Variants in KCNT2 observed in about 807,000 individuals in gnomAD.
KCNT2 encodes the protein potassium channel subfamily T member 2.
KCNT2 carries 67 observed loss-of-function variants against 153.8 expected under a neutral mutation model. The ratio of observed to expected loss-of-function variants is 0.44; its 90% confidence interval spans 0.36 to 0.53. The LOEUF is 0.53. Ranked by LOEUF, KCNT2 falls within the 20% of genes least tolerant of loss-of-function variation. The probability of loss-of-function intolerance (pLI) is 0.00; values close to 1 mark genes in which losing one functional copy is unlikely to be tolerated. For missense variants in KCNT2, 975 were observed against 1,354.8 expected (o/e 0.72, Z 4.40); for synonymous variants, 500 against 458.8 (o/e 1.09, Z -1.15).
At chr1:196,295,769 G>T (rs1660620053) in intron 22 of KCNT2, among the ~76,000 whole-genome samples, 1 of 151,876 alleles carries the variant, frequency 6.6e-6, no homozygotes, top group Non-Finnish European at 1.5e-5. Flanking sequence ...TTTTTATTGA[G>T]CATAAAAATC....
chr1:196,348,627 G>A (rs1166096236), intron 14 of KCNT2, among the ~76,000 whole-genome samples: 1 of 152,058 alleles, frequency 6.6e-6, no homozygotes, highest in Admixed American at 6.6e-5. Context: ...TACTTTTAAT[G>A]ATCTCGGATT....
In KCNT2 at chr1:196,285,104, C is replaced by A. The variant is rs184187008; in HGVS notation, c.2697+553G>T. Among the ~76,000 whole-genome samples the A allele has an allele frequency of 3.3e-5, 5 of 152,264 alleles. No individual in the cohort carries two copies. In the East Asian group the frequency reaches 9.6e-4, roughly 29 times the overall value. On this transcript the variant is annotated intron_variant, in intron 23 of 27. Transcript: ENST00000294725. ...TAGTGTGAACAAACACCTCCACAAA[C>A]CTCTTAGCTATGATAAAATGAAAAA...
At chr1:196,251,206 G>A (rs1034984212) in intron 26 of KCNT2, among the ~76,000 whole-genome samples, 9 of 152,066 alleles carry the variant, frequency 5.9e-5, no homozygotes, top group African/African-American at 1.9e-4. Flanking sequence ...AGCAACCTAA[G>A]TTTCATCAAG....
chr1:196,592,729 A>G (rs1663530345), intron 1 of KCNT2, among the ~76,000 whole-genome samples: 1 of 146,792 alleles, frequency 6.8e-6, no homozygotes, highest in Non-Finnish European at 1.5e-5. Context: ...ATATATATAC[A>G]TATATATATA....
chr1:196,259,087 G>A (rs1656774155), intron 25 of KCNT2, among the ~76,000 whole-genome samples: 2 of 152,084 alleles, frequency 1.3e-5, no homozygotes, highest in Non-Finnish European at 2.9e-5. Context: ...ACCATATAAA[G>A]TGCTTTTCTG....
At chr1:196,444,315 T>C in intron 8 of KCNT2, among the ~76,000 whole-genome samples, 1 of 151,468 alleles carries the variant, frequency 6.6e-6, no homozygotes, top group Admixed American at 6.6e-5. Flanking sequence ...ATACCTTTAC[T>C]CCCTTCCCAG....
At chr1:196,389,353 C>T (rs926064481) in intron 13 of KCNT2, among the ~76,000 whole-genome samples, 19 of 151,638 alleles carry the variant, frequency 1.3e-4, no homozygotes, top group African/African-American at 4.6e-4. Context: ...TACAAAATCA[C>T]TATAAATTTT....
rs1452955535 is a variant in KCNT2, at chr1:196,385,866, G to GC, written c.1295-12619dup. Among the ~76,000 whole-genome samples the GC allele has an allele frequency of 3.3e-5, 5 of 151,794 alleles. No homozygotes were observed. In the East Asian group the frequency reaches 7.8e-4, roughly 24 times the overall value. ...TCTGTGGTAGCCAGCCTCCAGGATT[G>GC]CCCCAAATAACTCTTACATGCTGGT... On this transcript the variant is annotated intron_variant, in intron 13 of 27. Coordinates refer to ENST00000294725, the MANE Select transcript of KCNT2 (RefSeq NM_198503.5).
chr1:196,531,012 G>A (rs947706774), intron 1 of KCNT2, among the ~76,000 whole-genome samples: 1 of 152,064 alleles, frequency 6.6e-6, no homozygotes, highest in African/African-American at 2.4e-5. Flanking sequence ...AGAAGCCAAA[G>A]ATTTACTGTA....
At chr1:196,350,189 C>A (rs1251489606) in intron 14 of KCNT2, among the ~76,000 whole-genome samples, 4 of 152,060 alleles carry the variant, frequency 2.6e-5, no homozygotes, top group Non-Finnish European at 2.9e-5. Flanking sequence ...GTCTTTATAG[C>A]AGCATGATTT....
Position 196,333,844 on chromosome 1 carries a change from T to C in KCNT2, c.1997+3A>G, listed in dbSNP as rs765314696. The C allele has an allele frequency of 6.3e-7, 1 of 1,575,226 alleles. No homozygotes were observed. The highest frequency in any genetic ancestry group is 8.7e-7 in the Non-Finnish European group (1 of 1,146,116). Reference sequence around the variant, plus strand: ...TCTTACACCTTAGAGTATCTGAACATACTCTAAGTTTGAAGACATTTCTTC... The same window carrying C: ...TCTTACACCTTAGAGTATCTGAACACACTCTAAGTTTGAAGACATTTCTTC... On this transcript the variant is annotated splice_donor_region_variant and intron_variant, in intron 17 of 27. Coordinates refer to ENST00000294725, the MANE Select transcript of KCNT2 (RefSeq NM_198503.5).
chr1:196,389,550 A>C (rs1216771971), intron 13 of KCNT2, among the ~76,000 whole-genome samples: 4 of 151,656 alleles, frequency 2.6e-5, no homozygotes, highest in Non-Finnish European at 4.4e-5. Context: ...AATTAGTTTG[A>C]TACCTTGAAG....
At chr1:196,381,263 A>G (rs1246560620) in intron 13 of KCNT2, among the ~76,000 whole-genome samples, 1 of 152,062 alleles carries the variant, frequency 6.6e-6, no homozygotes, top group Non-Finnish European at 1.5e-5. Flanking sequence ...TTTTAATTTC[A>G]TTAACCTCCT....
intron 25 of KCNT2, among the ~76,000 whole-genome samples, chr1:196,261,234 T>A (rs1009744236): frequency 6.6e-6 from 1 of 151,928 alleles, no homozygotes; most frequent in African/African-American, 2.4e-5. Context: ...GATAGAGTGG[T>A]TAAAAGCAAG....
chr1:196,350,966 T>G (rs888130842), intron 14 of KCNT2, among the ~76,000 whole-genome samples: 4 of 152,196 alleles, frequency 2.6e-5, no homozygotes, highest in African/African-American at 9.7e-5. Flanking sequence ...AGGGAATCCT[T>G]TCCCCATTGC....
chr1:196,546,567 C>G (rs913029223), intron 1 of KCNT2, among the ~76,000 whole-genome samples: 1 of 151,894 alleles, frequency 6.6e-6, no homozygotes, highest in Non-Finnish European at 1.5e-5. Context: ...GTCTTGTAAA[C>G]AGAAGATTAG....
chr1:196,380,721 G>A (rs958633005), intron 13 of KCNT2, among the ~76,000 whole-genome samples: 3 of 152,106 alleles, frequency 2.0e-5, no homozygotes, highest in Non-Finnish European at 4.4e-5. Context: ...TGATTAAATT[G>A]CATTATAAAA....
intron 8 of KCNT2, among the ~76,000 whole-genome samples, chr1:196,441,672 T>A (rs1675239338): frequency 6.6e-6 from 1 of 151,792 alleles, no homozygotes; most frequent in African/African-American, 2.4e-5. Flanking sequence ...AATAAAAGCA[T>A]CTGCTAAACA....
intron 3 of KCNT2, among the ~76,000 whole-genome samples, chr1:196,486,639 C>T (rs182883150): frequency 2.0e-4 from 31 of 151,898 alleles, no homozygotes; most frequent in African/African-American, 7.2e-4. Context: ...ATAGGGTTAA[C>T]ATGCAGGACA....
Sources: allele counts gnomAD v4.1 joint callset (sites outside exome capture counted in the v4.1 genomes callset), GRCh38; gene constraint gnomAD v4.1.1; transcripts MANE v1.5; gene names NCBI Gene and HGNC (gene_info 2026-07-23, HGNC 2026-07-21).